The following GALNT17 variants were observed in gnomAD, a reference collection of about 807,000 sequenced individuals.
GALNT17 encodes the protein polypeptide N-acetylgalactosaminyltransferase 17.
Under a neutral mutation model 63.7 loss-of-function variants are expected in GALNT17, and 29 were observed. That is an observed-to-expected ratio of 0.46 (90% CI 0.34 to 0.62). The LOEUF (loss-of-function observed/expected upper bound fraction) is 0.62. Among genes scored for constraint, GALNT17 ranks in the 20% least tolerant of loss-of-function variants. The pLI, the probability that GALNT17 is intolerant of heterozygous loss-of-function variation, is 0.01. For missense variants in GALNT17, 603 were observed against 799.6 expected (o/e 0.75, Z 2.97); for synonymous variants, 305 against 318.3 (o/e 0.96, Z 0.45).
chr7:71,430,728 G>A (rs979420397), intron 5 of GALNT17, among the ~76,000 whole-genome samples: 2 of 152,194 alleles, frequency 1.3e-5, no homozygotes, highest in Non-Finnish European at 2.9e-5. Context: ...TGGATATATA[G>A]TTGCCGGGAT....
At chr7:71,675,341 T>C (rs1791133891) in intron 8 of GALNT17, among the ~76,000 whole-genome samples, 1 of 152,206 alleles carries the variant, frequency 6.6e-6, no homozygotes, top group Non-Finnish European at 1.5e-5. Context: ...TCAATAAATA[T>C]TTATTAAATT....
intron 1 of GALNT17, among the ~76,000 whole-genome samples, chr7:71,144,977 C>G (rs149457090): frequency 6.6e-6 from 1 of 152,250 alleles, no homozygotes; most frequent in Non-Finnish European, 1.5e-5. Flanking sequence ...ATTTGCCCAC[C>G]TTGGCCTCCC....
chr7:71,227,356 C>G (rs892615090), intron 1 of GALNT17, among the ~76,000 whole-genome samples: 1 of 150,412 alleles, frequency 6.6e-6, no homozygotes, highest in Admixed American at 6.6e-5. Context: ...AGAGCAAGAC[C>G]CTGTCTCTAA....
intron 5 of GALNT17, 37 bp from the exon 6 acceptor site, chr7:71,571,248 C>T: frequency 6.3e-7 from 1 of 1,586,570 alleles, no homozygotes; most frequent in East Asian, 2.2e-5. Flanking sequence ...CTGGCACTGA[C>T]ACCTCAATGA....
intron 6 of GALNT17, among the ~76,000 whole-genome samples, chr7:71,588,761 G>A (rs1789756956): frequency 6.6e-6 from 1 of 152,018 alleles, no homozygotes; most frequent in Non-Finnish European, 1.5e-5. Flanking sequence ...GTGGTAATTT[G>A]TGCCAGTCCA....
intron 2 of GALNT17, among the ~76,000 whole-genome samples, chr7:71,382,568 C>T (rs4719119): frequency 0.49 from 74,801 of 151,748 alleles, 19,252 homozygotes; most frequent in African/African-American, 0.61. Flanking sequence ...CCATGGGGGT[C>T]TGAGATAATT....
intron 1 of GALNT17, among the ~76,000 whole-genome samples, chr7:71,143,827 C>A (rs1051462950): frequency 6.6e-6 from 1 of 151,484 alleles, no homozygotes; most frequent in Admixed American, 6.6e-5. Flanking sequence ...ATCACTTGAG[C>A]CTGGGAGTTC....
chr7:71,313,060 G>T (rs1791438682), intron 1 of GALNT17, among the ~76,000 whole-genome samples: 1 of 152,146 alleles, frequency 6.6e-6, no homozygotes, highest in African/African-American at 2.4e-5. Context: ...AGTGAGCTAT[G>T]ATTCTGCCAC....
intron 5 of GALNT17, among the ~76,000 whole-genome samples, chr7:71,421,362 A>C (rs1786662344): frequency 6.6e-6 from 1 of 152,192 alleles, no homozygotes; most frequent in South Asian, 2.1e-4. Flanking sequence ...TAATGTTCAC[A>C]CTTCTTTATT....
At chr7:71,570,435 T>G (rs10232345) in intron 5 of GALNT17, among the ~76,000 whole-genome samples, 21,202 of 152,058 alleles carry the variant, frequency 0.14, 2,550 homozygotes, top group African/African-American at 0.33. Context: ...GCAATCTTCC[T>G]CTCTCCAGTT....
rs975905259 is a variant in GALNT17 at position 71,579,699 on chromosome 7, T to A, written c.1080+8297T>A. On this transcript the variant is annotated intron_variant, in intron 6 of 10. Transcript: ENST00000333538. ...TGAGGACCTTGGGAGTTCAGGATGG[T>A]TAGAGCAGAGAAAGGGGGAAGAAAA... Among the ~76,000 whole-genome samples the A allele has an allele frequency of 3.9e-5, 6 of 152,102 alleles. 1 individual carries two copies. The highest frequency in any genetic ancestry group is 1.4e-4 in the African/African-American group (6 of 41,418).
chr7:71,174,866 G>A, intron 1 of GALNT17, among the ~76,000 whole-genome samples: 1 of 152,216 alleles, frequency 6.6e-6, no homozygotes, highest in East Asian at 1.9e-4. Context: ...CGTGGGCTCA[G>A]AGGCCTGACA....
At chr7:71,466,581 C>G (rs1787539612) in intron 5 of GALNT17, among the ~76,000 whole-genome samples, 1 of 152,064 alleles carries the variant, frequency 6.6e-6, no homozygotes, top group Non-Finnish European at 1.5e-5. Context: ...TAGGTCTTTC[C>G]TGGAGAGTCT....
At position 71,148,355 on chromosome 7, in the gene GALNT17, C is replaced by T. The variant is rs1684386786; in HGVS notation, c.238+15315C>T. 2.0e-5 allele frequency among the ~76,000 whole-genome samples: 3 copies of T among 152,250 alleles called. No individual in the cohort carries two copies. The South Asian group carries it at 6.2e-4, about 32-fold the overall frequency. On this transcript the variant is annotated intron_variant, in intron 1 of 10. Coordinates refer to ENST00000333538, the MANE Select transcript of GALNT17 (RefSeq NM_022479.3). ...CAGGTAGGGATTCCTGTAGCAGTGGCCACATCTGCTCTTATTGTTTACTCA... is the reference window on the plus strand; with the variant it reads ...CAGGTAGGGATTCCTGTAGCAGTGGTCACATCTGCTCTTATTGTTTACTCA...
intron 1 of GALNT17, among the ~76,000 whole-genome samples, chr7:71,305,459 G>A (rs1286626720): frequency 6.6e-6 from 1 of 152,212 alleles, no homozygotes; most frequent in Non-Finnish European, 1.5e-5. Context: ...CCCTGGGATG[G>A]CAGATTCAGT....
intron 9 of GALNT17, among the ~76,000 whole-genome samples, chr7:71,682,826 C>T (rs909629551): frequency 1.2e-4 from 18 of 152,226 alleles, no homozygotes; most frequent in African/African-American, 4.3e-4. Context: ...CCTCCGCCTC[C>T]CAAAGTGCTG....
At chr7:71,235,361 C>T (rs1408316468) in intron 1 of GALNT17, among the ~76,000 whole-genome samples, 2 of 152,126 alleles carry the variant, frequency 1.3e-5, no homozygotes, top group Non-Finnish European at 1.5e-5. Flanking sequence ...CTGCATCACC[C>T]GCAACCGTCA....
intron 7 of GALNT17, among the ~76,000 whole-genome samples, chr7:71,666,347 T>C (rs1033640661): frequency 4.0e-5 from 6 of 148,296 alleles, no homozygotes; most frequent in Admixed American, 1.4e-4. Flanking sequence ...TTATATAATA[T>C]ATAAAATATA....
chr7:71,711,057 G>T, intron 10 of GALNT17, 129 bp downstream of exon 10: 1 of 1,311,414 alleles, frequency 7.6e-7, no homozygotes, highest in Non-Finnish European at 1.0e-6. Context: ...CCTGCCCCGG[G>T]CTGGGCTTGT....
Sources: gnomAD v4.1 joint callset for allele counts (sites outside exome capture counted in the v4.1 genomes callset) on GRCh38, gnomAD v4.1.1 for gene constraint, MANE v1.5 for transcripts, NCBI Gene and HGNC (gene_info 2026-07-23, HGNC 2026-07-21) for gene names.